The following IGFBP2 variants were observed in gnomAD, a reference collection of about 807,000 sequenced individuals.
IGFBP2 encodes insulin-like growth factor-binding protein 2.
IGFBP2 carries 12 observed loss-of-function variants against 26.2 expected under a neutral mutation model. That is an observed-to-expected ratio of 0.46 (90% CI 0.29 to 0.74). The LOEUF (loss-of-function observed/expected upper bound fraction) is 0.74. Among genes scored for constraint, IGFBP2 ranks in the 30% least tolerant of loss-of-function variants. IGFBP2 has a pLI of 0.09. For synonymous variants in IGFBP2, 189 were observed against 200.6 expected (o/e 0.94, Z 0.49); for missense variants, 328 against 441.2 (o/e 0.74, Z 2.30).
chr2:216,662,613 C>G (rs1000247062), intron 3 of IGFBP2: 10 of 153,484 alleles, frequency 6.5e-5, no homozygotes, highest in Admixed American at 3.9e-4. Context: ...CCTCCTCTAT[C>G]CACCTTCTGT....
chr2:216,662,911 T>G (rs924733663), intron 3 of IGFBP2: 9 of 152,098 alleles, frequency 5.9e-5, no homozygotes, highest in African/African-American at 1.9e-4. Context: ...ACTCCTAACC[T>G]CAGATGATCC....
chr2:216,663,250 G>A (rs1386220483), intron 3 of IGFBP2: 3 of 152,242 alleles, frequency 2.0e-5, no homozygotes, highest in Non-Finnish European at 4.4e-5. Flanking sequence ...ATGGGAAACA[G>A]GCTGTCTGCT....
At chr2:216,662,122 C>CAG in intron 3 of IGFBP2, 124 bp downstream of exon 3, 1 of 1,114,262 alleles carries the variant, frequency 9.0e-7, no homozygotes, top group Non-Finnish European at 1.3e-6. Flanking sequence ...GACTCAGACT[C>CAG]CTGTCACCAT....
intron 1 of IGFBP2, among the ~76,000 whole-genome samples, chr2:216,657,679 G>C (rs1368477677): frequency 6.6e-6 from 1 of 152,156 alleles, no homozygotes; most frequent in African/African-American, 2.4e-5. Context: ...GTGGGCTGGT[G>C]CCTGGGTCTG....
At chr2:216,651,223 T>C (rs968065495) in intron 1 of IGFBP2, among the ~76,000 whole-genome samples, 1 of 152,184 alleles carries the variant, frequency 6.6e-6, no homozygotes, top group African/African-American at 2.4e-5. Context: ...CTTTCCTAAC[T>C]TCTGCCTCCC....
intron 1 of IGFBP2, among the ~76,000 whole-genome samples, chr2:216,645,005 C>G (rs1574557836): frequency 6.6e-6 from 1 of 152,326 alleles, no homozygotes; most frequent in East Asian, 1.9e-4. Context: ...CAAAAATGTT[C>G]CTTTATGCAA....
intron 1 of IGFBP2, among the ~76,000 whole-genome samples, chr2:216,650,134 G>T (rs1173334700): frequency 1.3e-5 from 2 of 152,210 alleles, no homozygotes; most frequent in Non-Finnish European, 2.9e-5. Flanking sequence ...AGCTTGAGAG[G>T]AGAGGTATCA....
intron 1 of IGFBP2, among the ~76,000 whole-genome samples, chr2:216,641,847 G>A (rs185510462): frequency 2.7e-4 from 41 of 149,642 alleles, no homozygotes; most frequent in African/African-American, 8.1e-4. Flanking sequence ...CCGCCACCAC[G>A]CCCGGCTAAT....
chr2:216,645,109 C>T (rs771113903), intron 1 of IGFBP2, among the ~76,000 whole-genome samples: 5 of 152,094 alleles, frequency 3.3e-5, no homozygotes, highest in African/African-American at 9.7e-5. Flanking sequence ...CTAAAATGCC[C>T]GAGGCCAAGA....
At position 216,661,894 on chromosome 2, in the gene IGFBP2, C is replaced by A. The variant is rs745823031; in HGVS notation, c.709C>A (p.Arg237=). 2.5e-6 allele frequency: 4 copies of A among 1,614,034 alleles called. No homozygotes were observed. Among genetic ancestry groups the A allele is most frequent in the Non-Finnish European group, 8.5e-7 (1 of 1,180,026 alleles). Residue 237 remains arginine, a synonymous_variant, in exon 3 of 4, where the codon CGG becomes AGG. Coordinates refer to ENST00000233809, the MANE Select transcript of IGFBP2 (RefSeq NM_000597.3). ...CQQELDQVLE[R]ISTMRLPDER... Reference sequence around the variant, plus strand: ...ACAGGAACTGGACCAGGTCCTGGAGCGGATCTCCACCATGCGCCTTCCGGA... The same window carrying A: ...ACAGGAACTGGACCAGGTCCTGGAGAGGATCTCCACCATGCGCCTTCCGGA...
Position 216,640,542 on chromosome 2 carries a change from GA to G in IGFBP2, c.442+6579del, listed in dbSNP as rs1026031039. ...CTCGCATCTGTCCTCACCCTATTATGAACTGGCTTCTGTGCCTGCTTTGTCT... is the reference window on the plus strand; with the variant it reads ...CTCGCATCTGTCCTCACCCTATTATGACTGGCTTCTGTGCCTGCTTTGTCT... On this transcript the variant is annotated intron_variant, in intron 1 of 3. Transcript: ENST00000233809. Among the ~76,000 whole-genome samples the G allele has an allele frequency of 6.6e-5, 10 of 152,252 alleles. No homozygotes were observed. The South Asian group carries it at 1.5e-3, about 22-fold the overall frequency.
intron 2 of IGFBP2, 182 bp downstream of exon 2, chr2:216,660,968 G>A (rs1342557860): frequency 3.3e-6 from 2 of 601,928 alleles, no homozygotes; most frequent in Non-Finnish European, 5.9e-6. Flanking sequence ...ATCTCTGGCT[G>A]TGAAATAGAC....
intron 1 of IGFBP2, among the ~76,000 whole-genome samples, chr2:216,658,669 C>G (rs867375268): frequency 2.0e-5 from 3 of 152,080 alleles, no homozygotes; most frequent in Non-Finnish European, 4.4e-5. Flanking sequence ...CCTGTGTCAC[C>G]CTTCTGAGTA....
Position 216,664,246 on chromosome 2 carries a change from C to G in IGFBP2, c.*142C>G. The G allele has an allele frequency of 1.6e-6, 1 of 621,076 alleles. No homozygotes were observed. Among genetic ancestry groups the G allele is most frequent in the Non-Finnish European group, 2.5e-6 (1 of 393,384 alleles). The allele number at this position is 621,076 out of a possible 1,614,324, so 38.5% of individuals were successfully genotyped here. ...TTTATATTTGGAAAGAGACCAGCAC[C>G]GAGCTCGGCACCTCCCCGGCCTCTC... is the stretch of plus-strand genomic sequence containing the variant. On this transcript the variant is annotated 3_prime_UTR_variant, in exon 4 of 4. Transcript: ENST00000233809. The surrounding 1 kb of genome is among the most constrained non-coding windows in gnomAD (Gnocchi z 4.6).
intron 1 of IGFBP2, among the ~76,000 whole-genome samples, chr2:216,638,814 C>G (rs2106188984): frequency 6.6e-6 from 1 of 151,374 alleles, no homozygotes; most frequent in East Asian, 2.0e-4. Context: ...ATTCTCCTGC[C>G]TCAGCCTCCC....
chr2:216,654,644 G>T (rs944416844), intron 1 of IGFBP2, among the ~76,000 whole-genome samples: 1 of 152,186 alleles, frequency 6.6e-6, no homozygotes, highest in Non-Finnish European at 1.5e-5. Context: ...TTCAGATCTG[G>T]CTACGGGATT....
At chr2:216,662,579 G>C (rs1688679809) in intron 3 of IGFBP2, 1 of 154,092 alleles carries the variant, frequency 6.5e-6, no homozygotes, top group Non-Finnish European at 1.4e-5. Flanking sequence ...TGAAGTTTAA[G>C]TAAACCACTC....
rs1698013538 is a variant in IGFBP2 at position 216,660,406 on chromosome 2, A to C, written c.443-151A>C. ...AAGCTGAAATTGATCATCCATATAAATTGCTCAGCACGGGCCCTGACAGGC... is the reference window on the plus strand; with the variant it reads ...AAGCTGAAATTGATCATCCATATAACTTGCTCAGCACGGGCCCTGACAGGC... On this transcript the variant is annotated intron_variant, in intron 1 of 3. Transcript: ENST00000233809. The C allele has an allele frequency of 5.0e-6, 3 of 602,160 alleles. No individual in the cohort carries two copies. The South Asian group carries it at 6.3e-5, about 13-fold the overall frequency. The allele number at this position is 602,160 out of a possible 1,614,324, so 37.3% of individuals were successfully genotyped here. A position where few individuals can be genotyped will look rare whatever the true frequency, so the allele number is the denominator to read the frequency against.
intron 1 of IGFBP2, among the ~76,000 whole-genome samples, chr2:216,649,096 C>T (rs959330682): frequency 2.0e-5 from 3 of 152,044 alleles, no homozygotes; most frequent in East Asian, 3.8e-4. Flanking sequence ...ACTAATATGC[C>T]TATGTTTGCA....
Sources: allele counts gnomAD v4.1 joint callset (sites outside exome capture counted in the v4.1 genomes callset), GRCh38; gene constraint gnomAD v4.1.1; non-coding constraint Gnocchi (gnomAD v3.1); transcripts MANE v1.5; gene names NCBI Gene and HGNC (gene_info 2026-07-23, HGNC 2026-07-21).